SPAG9: variants seen among roughly 807,000 people sequenced by gnomAD.
SPAG9 encodes the protein sperm associated antigen 9, also known as C-Jun-amino-terminal kinase-interacting protein 4.
SPAG9 carries 35 observed loss-of-function variants against 166.5 expected under a neutral mutation model. The ratio of observed to expected loss-of-function variants is 0.21; its 90% CI spans 0.16 to 0.28. The LOEUF (loss-of-function observed/expected upper bound fraction) is 0.28, where lower values mean the gene tolerates loss of function less well. Ranked by LOEUF, SPAG9 falls within the 10% of genes least tolerant of loss-of-function variation. The pLI is 1.00. For missense variants in SPAG9, 1,235 were observed against 1,603.3 expected, an observed-to-expected ratio of 0.77 and a Z score of 3.92; for synonymous variants, 534 against 565.5, an observed-to-expected ratio of 0.94 and a Z score of 0.79.
rs1179286892 is a variant in SPAG9, at chr17:51,021,160, G to T, written c.989C>A (p.Thr330Asn). Residue 330 changes from threonine (T) to asparagine (N), a missense_variant and splice_region_variant, in exon 7 of 30, where the codon ACT becomes AAT. This residue lies in a region of SPAG9 where 288 missense variants were observed against 323.7 expected (regional missense o/e 0.89). Transcript: ENST00000262013. ...QVAQETRNVS[T>N]GSAENEEKSE... ...AGTAAAGAACTAGGGTCACTCACCAGTAGATACATTTCTAGTTTCCTGGGC... is the reference window on the plus strand; with the variant it reads ...AGTAAAGAACTAGGGTCACTCACCATTAGATACATTTCTAGTTTCCTGGGC... 6.2e-7 allele frequency: 1 copy of T among 1,612,750 alleles called. No individual in the cohort carries two copies.
At chr17:51,001,948 T>C (rs2044971566) in intron 12 of SPAG9, 103 bp from the exon 13 acceptor site, 3 of 1,044,328 alleles carry the variant, frequency 2.9e-6, no homozygotes. Context: ...CATTCCTTAA[T>C]TTTTAATCTA....
chr17:50,968,044 CA>C (rs948091544), intron 29 of SPAG9, among the ~76,000 whole-genome samples: 3 of 152,192 alleles, frequency 2.0e-5, no homozygotes, highest in African/African-American at 7.2e-5. Flanking sequence ...TGCACTCCAA[CA>C]CAAAGTTACA....
At chr17:51,095,295 TTAAAAAAAAAA>T (rs1568082773) in intron 1 of SPAG9, among the ~76,000 whole-genome samples, 1 of 76,026 alleles carries the variant, frequency 1.3e-5, no homozygotes, top group Non-Finnish European at 2.7e-5. Flanking sequence ...GACTCCATCT[TTAAAAAAAAAA>T]AAAAAAAAAA....
rs766966701 is a variant in SPAG9, at chr17:51,006,115, T to C, written c.1394A>G (p.Lys465Arg). 2.0e-5 allele frequency: 32 copies of C among 1,614,096 alleles called. No individual in the cohort carries two copies. Among genetic ancestry groups the C allele is most frequent in the Middle Eastern group, 1.6e-4 (1 of 6,084 alleles). Reference sequence around the variant, plus strand: ...AAGCTCTTCCTCCAATTCTCTGTTCTTTTCCTCTAGTTTCAGTTTGGCTTG... The same window carrying C: ...AAGCTCTTCCTCCAATTCTCTGTTCCTTTCCTCTAGTTTCAGTTTGGCTTG... ...VKQAKLKLEE[K>R]NRELEEELRK... Residue 465 changes from lysine to arginine, a missense_variant, in exon 11 of 30, where the codon AAG becomes AGG. By Grantham distance (26) the Lys-to-Arg change is conservative. Around this residue, in one of 6 missense-constraint regions of SPAG9, gnomAD observed 125 missense variants for 194.0 expected, o/e 0.64. Coordinates refer to ENST00000262013, the MANE Select transcript of SPAG9 (RefSeq NM_001130528.3).
chr17:50,997,861 C>T (rs1473054369), intron 15 of SPAG9, among the ~76,000 whole-genome samples: 1 of 151,888 alleles, frequency 6.6e-6, no homozygotes, highest in Non-Finnish European at 1.5e-5. Context: ...CTCTAAAGGC[C>T]ATTCACATTT....
intron 1 of SPAG9, among the ~76,000 whole-genome samples, chr17:51,115,111 C>G (rs2049246622): frequency 6.6e-6 from 1 of 152,170 alleles, no homozygotes; most frequent in Admixed American, 6.6e-5. Context: ...CATTTTGTTA[C>G]TGCTTTAAGT....
intron 3 of SPAG9, among the ~76,000 whole-genome samples, chr17:51,049,668 C>T (rs1157419711): frequency 6.6e-6 from 1 of 152,100 alleles, no homozygotes; most frequent in East Asian, 1.9e-4. Context: ...TACAGTGGCG[C>T]GATCTCGGCT....
At chr17:51,037,693 TG>T (rs2046669325) in intron 5 of SPAG9, among the ~76,000 whole-genome samples, 2 of 89,892 alleles carry the variant, frequency 2.2e-5, no homozygotes, top group African/African-American at 7.5e-5. Flanking sequence ...ATAGTGTGTG[TG>T]TGTGTGTGTG....
In SPAG9 at chr17:51,058,195, G is replaced by A. The variant is rs1020321764; in HGVS notation, c.425-1713C>T. 4.6e-4 allele frequency among the ~76,000 whole-genome samples: 70 copies of A among 152,156 alleles called. 1 individual carries two copies. The highest frequency in any genetic ancestry group is 4.2e-3 in the Admixed American group (64 of 15,276). ...TTTCAAATTTGTGCTCAATAGTAGA[G>A]CCTTATTATTCTTGTCAGCTGATAT... is the stretch of plus-strand genomic sequence containing the variant. On this transcript the variant is annotated intron_variant, in intron 2 of 29. Transcript: ENST00000262013.
At chr17:50,971,766 A>C (rs2143599852) in intron 28 of SPAG9, among the ~76,000 whole-genome samples, 1 of 148,970 alleles carries the variant, frequency 6.7e-6, no homozygotes. Flanking sequence ...GGCCCAAATT[A>C]CTTTATTTAT....
Position 51,001,788 on chromosome 17 carries a change from G to C in SPAG9, c.1534C>G (p.Leu512Val). ...TCTTTATACTGGTTTCGCTCCATGAGAACACGGGCCATTTCTACTCTAGTA... is the reference window on the plus strand; with the variant it reads ...TCTTTATACTGGTTTCGCTCCATGACAACACGGGCCATTTCTACTCTAGTA... ...RFTRVEMARV[L>V]MERNQYKERL... Residue 512 changes from leucine (L) to valine (V), a missense_variant, in exon 13 of 30, where the codon CTC becomes GTC. Around this residue, in one of 6 missense-constraint regions of SPAG9, gnomAD observed 125 missense variants for 194.0 expected, o/e 0.64. Coordinates refer to ENST00000262013, the MANE Select transcript of SPAG9 (RefSeq NM_001130528.3). The C allele has an allele frequency of 5.6e-6, 9 of 1,613,478 alleles. No individual in the cohort carries two copies. The highest frequency in any genetic ancestry group is 7.6e-6 in the Non-Finnish European group (9 of 1,179,538).
chr17:51,062,333 T>G (rs987601210), intron 2 of SPAG9, among the ~76,000 whole-genome samples: 8 of 152,190 alleles, frequency 5.3e-5, no homozygotes, highest in African/African-American at 1.9e-4. Flanking sequence ...TGTTGTATAC[T>G]CTACAGCTTT....
intron 22 of SPAG9, among the ~76,000 whole-genome samples, chr17:50,986,528 G>T (rs191206044): frequency 6.6e-6 from 1 of 152,198 alleles, no homozygotes; most frequent in Admixed American, 6.5e-5. Flanking sequence ...TCATAACAGT[G>T]GTCAAAGAGT....
chr17:51,096,139 A>G (rs962301039), intron 1 of SPAG9, among the ~76,000 whole-genome samples: 5 of 150,128 alleles, frequency 3.3e-5, no homozygotes, highest in African/African-American at 1.2e-4. Context: ...TGAGGTTAGG[A>G]GTTCGAGACC....
chr17:51,002,943 G>A (rs2045024313), intron 12 of SPAG9, among the ~76,000 whole-genome samples: 1 of 151,306 alleles, frequency 6.6e-6, no homozygotes, highest in African/African-American at 2.4e-5. Context: ...AGCCACGTAT[G>A]GGGTGGCGCA....
intron 14 of SPAG9, 165 bp downstream of exon 14, chr17:50,999,496 T>TAAAAA: frequency 7.7e-7 from 1 of 1,291,786 alleles, no homozygotes; most frequent in Non-Finnish European, 1.0e-6. Context: ...CACTATATAT[T>TAAAAA]AAAAAAAAAA....
chr17:51,089,622 A>T (rs1419007486), intron 1 of SPAG9, among the ~76,000 whole-genome samples: 40 of 30,384 alleles, frequency 1.3e-3, no homozygotes, highest in South Asian at 2.9e-3. Flanking sequence ...ACTTTATTTT[A>T]TATATATATA....
chr17:51,117,745 G>T (rs565338393), intron 1 of SPAG9, among the ~76,000 whole-genome samples: 2 of 135,740 alleles, frequency 1.5e-5, no homozygotes, highest in East Asian at 4.3e-4. Context: ...CGCAAACAAA[G>T]CACTCACAGA....
Position 51,093,740 on chromosome 17 carries a change from T to C in SPAG9, c.304-14036A>G, listed in dbSNP as rs1002413210. On this transcript the variant is annotated intron_variant, in intron 1 of 29. Coordinates refer to ENST00000262013, the MANE Select transcript of SPAG9 (RefSeq NM_001130528.3). ...AGAAAATTATAACAGATCCATACTA[T>C]GGAAAGTATGTAATAGAAAACTGGT... is the stretch of plus-strand genomic sequence containing the variant. 6.9e-5 allele frequency among the ~76,000 whole-genome samples: 10 copies of C among 145,354 alleles called. 1 individual carries two copies. Among genetic ancestry groups the C allele is most frequent in the African/African-American group, 1.5e-4 (6 of 39,152 alleles).
Sources: allele counts gnomAD v4.1 joint callset (sites outside exome capture counted in the v4.1 genomes callset), GRCh38; gene constraint gnomAD v4.1.1; regional missense constraint gnomAD v4.1.1; transcripts MANE v1.5; gene names NCBI Gene and HGNC (gene_info 2026-07-23, HGNC 2026-07-21).